The following SBF2 variants were observed in gnomAD, a reference collection of about 807,000 sequenced individuals.
SBF2 encodes myotubularin-related protein 13.
In SBF2, 112 loss-of-function variants were observed where a neutral mutation model predicts 225.2. That is an observed-to-expected ratio of 0.50 (90% CI 0.43 to 0.58). The LOEUF (loss-of-function observed/expected upper bound fraction) is 0.58, where lower values mean the gene tolerates loss of function less well. Ranked by LOEUF, SBF2 falls within the 20% of genes least tolerant of loss-of-function variation. SBF2 has a pLI of 0.00. For synonymous variants in SBF2, 763 were observed against 773.3 expected (o/e 0.99, Z 0.22); for missense variants, 1,996 against 2,206.2 (o/e 0.90, Z 1.91).
intron 2 of SBF2, among the ~76,000 whole-genome samples, chr11:10,156,051 G>C (rs910847133): frequency 6.6e-6 from 1 of 152,176 alleles, no homozygotes; most frequent in African/African-American, 2.4e-5. Flanking sequence ...TGCAGCTCTG[G>C]ACCCGGGCAT....
intron 1 of SBF2, among the ~76,000 whole-genome samples, chr11:10,207,866 T>A (rs1421641215): frequency 1.3e-5 from 2 of 152,254 alleles, no homozygotes; most frequent in East Asian, 3.9e-4. Flanking sequence ...AAAACTACTA[T>A]GTCTTATCAA....
intron 6 of SBF2, among the ~76,000 whole-genome samples, chr11:10,024,811 T>G (rs975286687): frequency 6.6e-6 from 1 of 152,172 alleles, no homozygotes; most frequent in Non-Finnish European, 1.5e-5. Flanking sequence ...TTTGTGCAAG[T>G]CTGAGGTACT....
chr11:9,815,485 A>T (rs1195161931), intron 29 of SBF2, among the ~76,000 whole-genome samples: 1 of 151,608 alleles, frequency 6.6e-6, no homozygotes, highest in South Asian at 2.1e-4. Context: ...ATAATATTTT[A>T]TTGAGGAAGG....
intron 1 of SBF2, among the ~76,000 whole-genome samples, chr11:10,302,238 C>T (rs1964605381): frequency 6.6e-6 from 1 of 152,158 alleles, no homozygotes; most frequent in Admixed American, 6.5e-5. Context: ...TAAACAAACT[C>T]GAGATTTCAC....
intron 13 of SBF2, among the ~76,000 whole-genome samples, chr11:9,980,292 A>C (rs1236746640): frequency 2.5e-4 from 33 of 132,284 alleles, no homozygotes; most frequent in African/African-American, 7.6e-4. Flanking sequence ...TTGTAATTAA[A>C]AAAAAAAAAA....
chr11:10,003,702 C>A (rs973271017), intron 6 of SBF2, among the ~76,000 whole-genome samples: 2 of 151,812 alleles, frequency 1.3e-5, no homozygotes, highest in Non-Finnish European at 2.9e-5. Flanking sequence ...TTTTTTCCTT[C>A]TTTTCAATTT....
chr11:10,302,368 C>T (rs1220434931), intron 1 of SBF2, among the ~76,000 whole-genome samples: 1 of 152,220 alleles, frequency 6.6e-6, no homozygotes, highest in South Asian at 2.1e-4. Context: ...GGTGCGCGCT[C>T]GCGCACACAC....
chr11:9,787,953 C>T lies in SBF2; in HGVS notation c.4933-215G>A, dbSNP rs4910505. The T allele has an allele frequency of 0.31, 185,162 of 590,994 alleles. 33,661 individuals are homozygous for T. The highest frequency in any genetic ancestry group is 0.38 in the Non-Finnish European group (126,868 of 332,078). 36.6% of individuals were successfully genotyped at this position (590,994 alleles called of 1,614,324 possible). On this transcript the variant is annotated intron_variant, in intron 35 of 39. Coordinates refer to ENST00000256190, the MANE Select transcript of SBF2 (RefSeq NM_030962.4). ...CTGTGGCAAAGATGGTTTATTAGGA[C>T]CTATAACTAGGCCTTTTTGTACAGG...
At chr11:10,208,907 T>A (rs1957838067) in intron 1 of SBF2, among the ~76,000 whole-genome samples, 1 of 152,152 alleles carries the variant, frequency 6.6e-6, no homozygotes, top group Non-Finnish European at 1.5e-5. Flanking sequence ...TACGTTTTCT[T>A]CCAATTGCAG....
intron 11 of SBF2, 108 bp downstream of exon 11, chr11:9,992,882 A>G: frequency 1.3e-6 from 1 of 755,470 alleles, no homozygotes; most frequent in South Asian, 1.7e-5. Context: ...TTAAATAATC[A>G]CATTTGATAA....
intron 1 of SBF2, among the ~76,000 whole-genome samples, chr11:10,215,279 A>C (rs904887289): frequency 6.6e-6 from 1 of 152,190 alleles, no homozygotes. Flanking sequence ...AGCCAAGAAG[A>C]CTATTAGGCA....
intron 13 of SBF2, among the ~76,000 whole-genome samples, chr11:9,983,060 G>C (rs1195546085): frequency 6.6e-6 from 1 of 152,162 alleles, no homozygotes; most frequent in Non-Finnish European, 1.5e-5. Flanking sequence ...TATTTGAATG[G>C]GGTGAGAAGC....
chr11:9,846,593 A>G (rs188624229), intron 23 of SBF2, among the ~76,000 whole-genome samples: 6 of 152,346 alleles, frequency 3.9e-5, no homozygotes, highest in Non-Finnish European at 7.3e-5. Context: ...TTTCCATAGA[A>G]CAGCCACAGG....
Position 9,780,521 on chromosome 11 carries a change from A to G in SBF2, c.5452-5T>C, listed in dbSNP as rs773935983. The G allele has an allele frequency of 6.2e-7, 1 of 1,613,584 alleles. No individual in the cohort carries two copies. Among genetic ancestry groups the G allele is most frequent in the Non-Finnish European group, 8.5e-7 (1 of 1,179,618 alleles). ...CACACGTTTGCTGGTCTTGAGCTACAAAACCAAATGACAGTGAACCAGAGA... is the reference window on the plus strand; with the variant it reads ...CACACGTTTGCTGGTCTTGAGCTACGAAACCAAATGACAGTGAACCAGAGA... On this transcript the variant is annotated splice_polypyrimidine_tract_variant and splice_region_variant and intron_variant, in intron 39 of 39. Coordinates refer to ENST00000256190, the MANE Select transcript of SBF2 (RefSeq NM_030962.4).
At chr11:9,929,925 G>C (rs1001886803) in intron 16 of SBF2, among the ~76,000 whole-genome samples, 1 of 152,000 alleles carries the variant, frequency 6.6e-6, no homozygotes, top group African/African-American at 2.4e-5. Flanking sequence ...GATTAATAAA[G>C]ATGTGTTTTC....
chr11:10,081,513 C>G (rs1373451784), intron 2 of SBF2, among the ~76,000 whole-genome samples: 1 of 152,130 alleles, frequency 6.6e-6, no homozygotes, highest in Non-Finnish European at 1.5e-5. Flanking sequence ...AATCCCAGCA[C>G]TTTGGGAGGC....
chr11:10,094,058 C>T (rs754436244), intron 2 of SBF2, among the ~76,000 whole-genome samples: 1 of 152,166 alleles, frequency 6.6e-6, no homozygotes, highest in African/African-American at 2.4e-5. Context: ...TGGCCGGGTG[C>T]GGTGGCTCAC....
chr11:9,978,947 C>A (rs1024103538), intron 13 of SBF2, among the ~76,000 whole-genome samples: 1 of 152,086 alleles, frequency 6.6e-6, no homozygotes, highest in Non-Finnish European at 1.5e-5. Flanking sequence ...TGCAGTAAGC[C>A]GAGATTGTGC....
rs936753400 is a variant in SBF2, at chr11:9,908,485, G to T, written c.1861-12474C>A. 5.9e-5 allele frequency among the ~76,000 whole-genome samples: 9 copies of T among 152,258 alleles called. No homozygotes were observed. In the South Asian group the frequency reaches 1.7e-3, roughly 28 times the overall value. On this transcript the variant is annotated intron_variant, in intron 16 of 39. Coordinates refer to ENST00000256190, the MANE Select transcript of SBF2 (RefSeq NM_030962.4). ...CTAAAAATGCAAAAAAAATTAGCCA[G>T]GCGTGGTGGCGGGCGCCTGTAGTCC...
Sources: gnomAD v4.1 joint callset for allele counts (sites outside exome capture counted in the v4.1 genomes callset) on GRCh38, gnomAD v4.1.1 for gene constraint, MANE v1.5 for transcripts, NCBI Gene and HGNC (gene_info 2026-07-23, HGNC 2026-07-21) for gene names.